Variants in ZNF57 observed in about 807,000 individuals in gnomAD.
ZNF57 encodes zinc finger protein 57.
Under a neutral mutation model 13.4 loss-of-function variants are expected in ZNF57, and 11 were observed. The observed-to-expected ratio is 0.82, with a 90% confidence interval of 0.52 to 1.36. The LOEUF is 1.36. Ranked by LOEUF, ZNF57 falls within the 40% of genes most tolerant of loss-of-function variation. The pLI, the probability that ZNF57 is intolerant of heterozygous loss-of-function variation, is 0.00. For synonymous variants in ZNF57, 224 were observed against 238.5 expected, an observed-to-expected ratio of 0.94 and a Z score of 0.56; for missense variants, 696 against 667.5, an observed-to-expected ratio of 1.04 and a Z score of -0.47.
At chr19:2,912,415 A>G (rs891773548) in intron 1 of ZNF57, among the ~76,000 whole-genome samples, 5 of 152,200 alleles carry the variant, frequency 3.3e-5, no homozygotes, top group African/African-American at 1.2e-4. Context: ...TTGCTAACTC[A>G]GACTTGGGCC....
In ZNF57 at chr19:2,917,529, C is replaced by A. The variant is rs150372606; in HGVS notation, c.908C>A (p.Thr303Lys). Residue 303 changes from threonine (T) to lysine (K), a missense_variant, in exon 4 of 4, where the codon ACG becomes AAG. Transcript: ENST00000306908. ...QAFQRHEKTH[T>K]GEKPYECKQC... is the part of the protein sequence containing the mutation. ...TTTCAAAGACATGAGAAGACGCACA[C>A]GGGAGAGAAGCCCTATGAATGCAAG... The A allele has an allele frequency of 3.1e-6, 5 of 1,613,624 alleles. No homozygotes were observed. Among genetic ancestry groups the A allele is most frequent in the Non-Finnish European group, 3.4e-6 (4 of 1,179,846 alleles).
rs774374961 is a variant in ZNF57 at position 2,912,671 on chromosome 19, T to C, written c.4-2851T>C. On this transcript the variant is annotated intron_variant, in intron 1 of 3. Transcript: ENST00000306908. ...TACAAGGGAATAATAACTTCCAAGC[T>C]CCTTACATGCTGGACCAAAAACTAG... Among the ~76,000 whole-genome samples, 9 of 152,190 alleles carry C rather than the reference T, an allele frequency of 5.9e-5. 1 individual carries two copies. In the South Asian group the frequency reaches 8.3e-4, roughly 14 times the overall value.
At chr19:2,911,806 G>A (rs540774078) in intron 1 of ZNF57, among the ~76,000 whole-genome samples, 2 of 152,118 alleles carry the variant, frequency 1.3e-5, no homozygotes, top group African/African-American at 4.8e-5. Context: ...TCTCTCCCAT[G>A]GCTTTTTCAT....
At chr19:2,909,075 G>A (rs1446406006) in intron 1 of ZNF57, among the ~76,000 whole-genome samples, 1 of 151,938 alleles carries the variant, frequency 6.6e-6, no homozygotes, top group Non-Finnish European at 1.5e-5. Flanking sequence ...TGTGTGGGCT[G>A]TACCACATTT....
In ZNF57 at chr19:2,917,313, T is replaced by G. The variant is rs1464804578; in HGVS notation, c.692T>G (p.Met231Arg). ...ACCTACAAATGCGAGCAGTGTCGGATGGCGTTTAATGGGTTCGCAAGCTTC... is the reference window on the plus strand; with the variant it reads ...ACCTACAAATGCGAGCAGTGTCGGAGGGCGTTTAATGGGTTCGCAAGCTTC... ...EKTYKCEQCR[M>R]AFNGFASFTR... Residue 231 changes from methionine to arginine, a missense_variant, in exon 4 of 4, where the codon ATG becomes AGG. Met to Arg is a moderately conservative substitution (Grantham distance 91). Around this residue, in one of 3 missense-constraint regions of ZNF57, gnomAD observed 645 missense variants for 591.5 expected, o/e 1.09. Coordinates refer to ENST00000306908, the MANE Select transcript of ZNF57 (RefSeq NM_173480.3). The G allele has an allele frequency of 6.2e-7, 1 of 1,614,116 alleles. No homozygotes were observed.
chr19:2,905,875 A>G (rs1242575313), intron 1 of ZNF57, among the ~76,000 whole-genome samples: 1 of 152,166 alleles, frequency 6.6e-6, no homozygotes, highest in Admixed American at 6.6e-5. Flanking sequence ...CATAAATTCA[A>G]AAACAAGGAA....
At chr19:2,914,915 T>C (rs925562098) in intron 1 of ZNF57, among the ~76,000 whole-genome samples, 6 of 152,198 alleles carry the variant, frequency 3.9e-5, no homozygotes, top group Non-Finnish European at 8.8e-5. Context: ...AAATAGGTAT[T>C]CTTATGTGTT....
chr19:2,915,818 G>C lies in ZNF57; in HGVS notation c.130+170G>C, dbSNP rs1425488082. 5 of 1,154,736 alleles carry C rather than the reference G, an allele frequency of 4.3e-6. No individual in the cohort carries two copies. The African/African-American group carries it at 4.6e-5, about 11-fold the overall frequency. 71.5% of individuals were successfully genotyped at this position (1,154,736 alleles called of 1,614,324 possible). A position where few individuals can be genotyped will look rare whatever the true frequency, so the allele number is the denominator to read the frequency against. ...TAACAGTGAAAACATGTGTGAAACA[G>C]ATGTTATTTCTGTCTTGGTTTAAAG... On this transcript the variant is annotated intron_variant, in intron 2 of 3. Coordinates refer to ENST00000306908, the MANE Select transcript of ZNF57 (RefSeq NM_173480.3).
Position 2,910,551 on chromosome 19 carries a change from C to T in ZNF57, c.4-4971C>T, listed in dbSNP as rs1189557101. ...TCTCTGCTCACTGCAAGCGCCGCCT[C>T]CTGGGTTCACGCCATTCTCCTGCCT... On this transcript the variant is annotated intron_variant, in intron 1 of 3. Coordinates refer to ENST00000306908, the MANE Select transcript of ZNF57 (RefSeq NM_173480.3). 4.1e-5 allele frequency among the ~76,000 whole-genome samples: 4 copies of T among 97,182 alleles called. 2 individuals carry two copies. Among genetic ancestry groups the T allele is most frequent in the African/African-American group, 1.3e-4 (4 of 29,882 alleles). 63.8% of individuals were successfully genotyped at this position (97,182 alleles called of 152,430 possible).
intron 1 of ZNF57, among the ~76,000 whole-genome samples, chr19:2,903,860 C>T (rs1037688623): frequency 1.3e-5 from 2 of 152,060 alleles, no homozygotes; most frequent in African/African-American, 4.8e-5. Context: ...GGACTACAGG[C>T]GACCGCCACC....
At chr19:2,916,350 G>T in intron 3 of ZNF57, 101 bp downstream of exon 3, 1 of 1,136,712 alleles carries the variant, frequency 8.8e-7, no homozygotes, top group Non-Finnish European at 1.2e-6. Flanking sequence ...TTATTCCTCA[G>T]AATTTTAACC....
chr19:2,916,494 C>T (rs1461782716), intron 3 of ZNF57: 11 of 335,894 alleles, frequency 3.3e-5, no homozygotes, highest in East Asian at 1.1e-4. Flanking sequence ...AGGCGGATCA[C>T]GAGGTCAGGA....
chr19:2,906,893 CG>C (rs2088080622), intron 1 of ZNF57, among the ~76,000 whole-genome samples: 1 of 152,172 alleles, frequency 6.6e-6, no homozygotes, highest in Non-Finnish European at 1.5e-5. Flanking sequence ...GTGGGAGCCT[CG>C]GTCTCTAGTG....
intron 1 of ZNF57, among the ~76,000 whole-genome samples, chr19:2,908,901 TC>T (rs528175427): frequency 0.081 from 3,559 of 44,034 alleles, 75 homozygotes; most frequent in Middle Eastern, 0.32. Context: ...GTATGTTGTT[TC>T]TCTTTTTTTC....
chr19:2,917,762 G>C lies in ZNF57; in HGVS notation c.1141G>C (p.Glu381Gln). The change falls in exon 4 of 4, where the codon GAA (glutamate) becomes CAA (glutamine). Residue 381 changes from glutamate (E) to glutamine (Q), a missense_variant. Coordinates refer to ENST00000306908, the MANE Select transcript of ZNF57 (RefSeq NM_173480.3). ...CTTCACTTGGTCCTCAACGTTTAGA[G>C]AACATGTGAGAATTCACACGCAAGA... Reference protein sequence around the residue: ...KAFTWSSTFREHVRIHTQEQL... With the variant: ...KAFTWSSTFRQHVRIHTQEQL... The C allele has an allele frequency of 6.2e-7, 1 of 1,612,588 alleles. No individual in the cohort carries two copies. The highest frequency in any genetic ancestry group is 8.5e-7 in the Non-Finnish European group (1 of 1,179,656).
At position 2,900,948 on chromosome 19, in the gene ZNF57, G is replaced by C; in HGVS notation, c.-98G>C. On this transcript the variant is annotated 5_prime_UTR_variant, in exon 1 of 4. Transcript: ENST00000306908. ...TCGTCCTCCCTGCCGCGCGTGCCCT[G>C]CCTACCACGAGCGGCCCGGGAGTAC... is the stretch of plus-strand genomic sequence containing the variant. 6.7e-7 allele frequency: 1 copy of C among 1,496,516 alleles called. No individual in the cohort carries two copies. The allele number at this position is 1,496,516 out of a possible 1,614,324, so 92.7% of individuals were successfully genotyped here.
intron 2 of ZNF57, 176 bp downstream of exon 2, chr19:2,915,824 AT>A: frequency 1.7e-6 from 2 of 1,152,908 alleles, no homozygotes; most frequent in Non-Finnish European, 2.5e-6. Context: ...AACAGATGTT[AT>A]TTCTGTCTTG....
chr19:2,915,180 G>A (rs1029843070), intron 1 of ZNF57: 8 of 175,900 alleles, frequency 4.5e-5, no homozygotes, highest in African/African-American at 1.2e-4. Flanking sequence ...AGGCTTTTCC[G>A]AAAGTCCTAT....
At chr19:2,914,567 T>C (rs945603596) in intron 1 of ZNF57, among the ~76,000 whole-genome samples, 1 of 152,360 alleles carries the variant, frequency 6.6e-6, no homozygotes, top group East Asian at 1.9e-4. Flanking sequence ...TACTTTCATT[T>C]TCATTAAGTA....
Sources: allele counts gnomAD v4.1 joint callset (sites outside exome capture counted in the v4.1 genomes callset), GRCh38; gene constraint gnomAD v4.1.1; regional missense constraint gnomAD v4.1.1; transcripts MANE v1.5; gene names NCBI Gene and HGNC (gene_info 2026-07-23, HGNC 2026-07-21).